The following TMEM278 variants were observed in gnomAD, a reference collection of about 807,000 sequenced individuals.
The protein encoded by TMEM278 is transmembrane protein 88B.
chr1:1,428,458 C>T, the TMEM278 span, among the ~76,000 whole-genome samples: 3 of 152,126 alleles, frequency 2.0e-5, no homozygotes, highest in Non-Finnish European at 2.9e-5. Flanking sequence ...ACTAAGATCT[C>T]CTCACTGACT....
the TMEM278 span, among the ~76,000 whole-genome samples, chr1:1,428,652 C>T: frequency 6.6e-6 from 1 of 152,206 alleles, no homozygotes; most frequent in South Asian, 2.1e-4. Flanking sequence ...CATCAAATTA[C>T]TCCCTTCCGT....
chr1:1,426,253 G>A, the TMEM278 span: 271,150 of 1,485,434 alleles, frequency 0.18, 39,207 homozygotes, highest in East Asian at 0.85. Context: ...CAGGGTGGTC[G>A]GGGCCCCCGC....
At chr1:1,429,553 G>A in the TMEM278 span, among the ~76,000 whole-genome samples, 1 of 152,146 alleles carries the variant, frequency 6.6e-6, no homozygotes, top group South Asian at 2.1e-4. Flanking sequence ...TGTGACTGGT[G>A]TTTCTGCCGA....
the TMEM278 span, among the ~76,000 whole-genome samples, chr1:1,429,902 C>A: frequency 6.6e-6 from 1 of 152,248 alleles, no homozygotes; most frequent in Non-Finnish European, 1.5e-5. Flanking sequence ...TGCTCTGCCG[C>A]CCAGTCTGAG....
chr1:1,428,828 G>A, the TMEM278 span, among the ~76,000 whole-genome samples: 35 of 152,144 alleles, frequency 2.3e-4, no homozygotes, highest in African/African-American at 7.0e-4. Flanking sequence ...GTGAAACCCC[G>A]TCTCTACTAA....
At chr1:1,426,515 C>A in the TMEM278 span, 2 of 734,338 alleles carry the variant, frequency 2.7e-6, no homozygotes, top group African/African-American at 1.9e-5. Flanking sequence ...CCCTCCCTGG[C>A]AGCCCCTTCT....
the TMEM278 span, among the ~76,000 whole-genome samples, chr1:1,426,899 G>A: frequency 4.6e-5 from 7 of 151,914 alleles, no homozygotes; most frequent in Admixed American, 2.0e-4. Flanking sequence ...GGCAGAACGC[G>A]GCAGTGGGCG....
chr1:1,428,181 A>G, the TMEM278 span, among the ~76,000 whole-genome samples: 1 of 90,154 alleles, frequency 1.1e-5, no homozygotes, highest in South Asian at 3.6e-4. Context: ...AGGAGAGGGG[A>G]GGGGAAGAGA....
the TMEM278 span, chr1:1,427,815 G>A: frequency 2.9e-6 from 4 of 1,375,620 alleles, no homozygotes; most frequent in African/African-American, 1.6e-5. Flanking sequence ...AACCCCGGGA[G>A]GCCTCCGAGC....
the TMEM278 span, among the ~76,000 whole-genome samples, chr1:1,428,016 AGAGAGGG>A: frequency 2.1e-5 from 1 of 46,598 alleles, no homozygotes; most frequent in Admixed American, 2.0e-4. Flanking sequence ...GGGGAGGGGG[AGAGAGGG>A]GAGGGGAGGG....
At chr1:1,429,734 A>G in the TMEM278 span, among the ~76,000 whole-genome samples, 2 of 152,176 alleles carry the variant, frequency 1.3e-5, no homozygotes, top group African/African-American at 4.8e-5. Context: ...CCCTGGTTTA[A>G]GCAGCCCCTA....
the TMEM278 span, among the ~76,000 whole-genome samples, chr1:1,428,001 G>C: frequency 1.0e-5 from 1 of 99,718 alleles, no homozygotes; most frequent in Non-Finnish European, 2.4e-5. Context: ...GGGGAAGAGA[G>C]GGGAGGGGAG....
At chr1:1,429,176 AAACAAAAAAAC>A in the TMEM278 span, among the ~76,000 whole-genome samples, 2 of 151,708 alleles carry the variant, frequency 1.3e-5, no homozygotes, top group East Asian at 3.9e-4. Context: ...TCTTAAAAAC[AAACAAAAAAAC>A]AACAAAAAAA....
chr1:1,426,181 C>T, the TMEM278 span: 17 of 1,417,188 alleles, frequency 1.2e-5, no homozygotes, highest in East Asian at 2.8e-5. Context: ...GTGGTGCTTC[C>T]GACACAGCGC....
the TMEM278 span, among the ~76,000 whole-genome samples, chr1:1,428,274 G>A: frequency 1.3e-4 from 20 of 151,748 alleles, no homozygotes; most frequent in African/African-American, 1.9e-4. Flanking sequence ...GGCCTCCCGC[G>A]CCTGCCCAGG....
At chr1:1,427,223 G>T in the TMEM278 span, among the ~76,000 whole-genome samples, 1 of 107,002 alleles carries the variant, frequency 9.3e-6, no homozygotes, top group African/African-American at 3.8e-5. Context: ...CCTCCACCCC[G>T]CTCTCTCTCC....
chr1:1,427,111 C>T, the TMEM278 span, among the ~76,000 whole-genome samples: 2 of 147,334 alleles, frequency 1.4e-5, no homozygotes, highest in African/African-American at 2.5e-5. Flanking sequence ...CAGCCCGCCA[C>T]GGCCCCTCTA....
chr1:1,427,600 G>A, the TMEM278 span: 1 of 1,119,738 alleles, frequency 8.9e-7, no homozygotes, highest in Non-Finnish European at 1.1e-6. Flanking sequence ...TTCTCAGACC[G>A]CGGCTCCGCG....
chr1:1,428,222 C>G, the TMEM278 span, among the ~76,000 whole-genome samples: 1 of 150,590 alleles, frequency 6.6e-6, no homozygotes, highest in African/African-American at 2.4e-5. Context: ...GGGCAGAGCC[C>G]GGCAGGCAGC....
Sources: gnomAD v4.1 joint callset for allele counts (sites outside exome capture counted in the v4.1 genomes callset) on GRCh38, gnomAD v4.1.1 for gene constraint, MANE v1.5 for transcripts, NCBI Gene and HGNC (gene_info 2026-07-23, HGNC 2026-07-21) for gene names.